Variants in DCBLD2 observed in about 807,000 individuals in gnomAD.
DCBLD2 encodes discoidin, CUB and LCCL domain containing 2, also known as discoidin, CUB and LCCL domain-containing protein 2.
A neutral mutation model predicts 86.8 loss-of-function variants in DCBLD2; 54 were observed. The ratio of observed to expected loss-of-function variants is 0.62; its 90% CI spans 0.50 to 0.78. DCBLD2 has a LOEUF of 0.78. Ranked by LOEUF, DCBLD2 falls within the 30% of genes least tolerant of loss-of-function variation. DCBLD2 has a pLI of 0.00. For missense variants in DCBLD2, 908 were observed against 954.2 expected (o/e 0.95, Z 0.64); for synonymous variants, 354 against 341.3 (o/e 1.04, Z -0.41).
chr3:98,898,496 G>A (rs1250814584), intron 1 of DCBLD2, among the ~76,000 whole-genome samples: 1 of 151,514 alleles, frequency 6.6e-6, no homozygotes, highest in Non-Finnish European at 1.5e-5. Context: ...GCGAATTACA[G>A]AAAATTTAGA....
Position 98,797,260 on chromosome 3 carries a change from AACAC to A in DCBLD2, c.*2108_*2111del, listed in dbSNP as rs1941623626. On this transcript the variant is annotated 3_prime_UTR_variant, in exon 16 of 16. Transcript: ENST00000326840. ...TCTTAAAATATGCATCATTTCAGAAAACACTTGCCCCTCTTAAAAAAAAAAAAAC... is the reference window on the plus strand; with the variant it reads ...TCTTAAAATATGCATCATTTCAGAAATTGCCCCTCTTAAAAAAAAAAAAAC... The A allele has an allele frequency of 1.3e-5, 2 of 151,222 alleles. No individual in the cohort carries two copies. The highest frequency in any genetic ancestry group is 3.0e-5 in the Non-Finnish European group (2 of 67,688). The allele number at this position is 151,222 out of a possible 1,614,324, so 9.4% of individuals were successfully genotyped here.
chr3:98,805,297 A>C (rs1559768148), intron 13 of DCBLD2, among the ~76,000 whole-genome samples: 1 of 152,220 alleles, frequency 6.6e-6, no homozygotes, highest in African/African-American at 2.4e-5. Context: ...ATGGAAAAGA[A>C]ATAAAAAAAA....
intron 2 of DCBLD2, among the ~76,000 whole-genome samples, chr3:98,871,600 ATCATCCTTGCATTCC>A (rs548346261): frequency 2.6e-3 from 389 of 152,232 alleles, no homozygotes; most frequent in African/African-American, 9.0e-3. Context: ...CATATGTCAA[ATCATCCTTGCATTCC>A]TGGTATGAAA....
chr3:98,829,991 C>T (rs1380672350), intron 3 of DCBLD2, among the ~76,000 whole-genome samples: 2 of 152,124 alleles, frequency 1.3e-5, no homozygotes, highest in African/African-American at 4.8e-5. Flanking sequence ...CTCTAAAGAT[C>T]GATGATATTG....
At chr3:98,825,976 C>A (rs567566313) in intron 3 of DCBLD2, among the ~76,000 whole-genome samples, 17 of 152,012 alleles carry the variant, frequency 1.1e-4, no homozygotes, top group African/African-American at 4.1e-4. Flanking sequence ...CGGTGGTGCC[C>A]AAAAATCTGT....
At chr3:98,894,250 G>A (rs760819613) in intron 1 of DCBLD2, among the ~76,000 whole-genome samples, 2 of 152,186 alleles carry the variant, frequency 1.3e-5, no homozygotes, top group African/African-American at 2.4e-5. Flanking sequence ...TCCACAATAC[G>A]TTCCAGCCTC....
chr3:98,841,538 T>C (rs996135845), intron 3 of DCBLD2, among the ~76,000 whole-genome samples: 1 of 152,224 alleles, frequency 6.6e-6, no homozygotes, highest in African/African-American at 2.4e-5. Context: ...CATTGGTTAC[T>C]ATCATAGAAA....
At chr3:98,833,990 AG>A (rs1942372563) in intron 3 of DCBLD2, among the ~76,000 whole-genome samples, 1 of 152,210 alleles carries the variant, frequency 6.6e-6, no homozygotes, top group Non-Finnish European at 1.5e-5. Flanking sequence ...TGACTACTCC[AG>A]TAAACTAGGG....
At chr3:98,838,607 C>T (rs981997103) in intron 3 of DCBLD2, among the ~76,000 whole-genome samples, 3 of 151,650 alleles carry the variant, frequency 2.0e-5, no homozygotes, top group Non-Finnish European at 4.4e-5. Context: ...AGACGATGGG[C>T]GGCCAGGCAG....
chr3:98,812,693 T>C (rs1941958797), intron 9 of DCBLD2: 2 of 440,646 alleles, frequency 4.5e-6, no homozygotes, highest in Non-Finnish European at 8.0e-6. Flanking sequence ...AACAAAAATA[T>C]TTAATATAGA....
intron 2 of DCBLD2, among the ~76,000 whole-genome samples, chr3:98,871,035 T>C (rs879110007): frequency 4.6e-5 from 7 of 151,518 alleles, no homozygotes; most frequent in Non-Finnish European, 1.0e-4. Context: ...TTTTTTTTTT[T>C]CCTTTTTTTG....
chr3:98,882,593 C>T (rs1384339606), intron 1 of DCBLD2, among the ~76,000 whole-genome samples: 1 of 152,078 alleles, frequency 6.6e-6, no homozygotes, highest in Non-Finnish European at 1.5e-5. Context: ...TCTGACAGGC[C>T]CCAGTGTGTG....
At chr3:98,837,054 C>T (rs1942478095) in intron 3 of DCBLD2, among the ~76,000 whole-genome samples, 1 of 37,926 alleles carries the variant, frequency 2.6e-5, no homozygotes, top group Non-Finnish European at 5.3e-5. Flanking sequence ...GGGGGCTGAC[C>T]CCCCCCATCT....
intron 3 of DCBLD2, among the ~76,000 whole-genome samples, chr3:98,843,745 T>C (rs142395433): frequency 1.7e-3 from 265 of 152,316 alleles, no homozygotes; most frequent in Admixed American, 6.5e-3. Context: ...CTCAGCTGTT[T>C]ACAAGTCTTA....
intron 1 of DCBLD2, among the ~76,000 whole-genome samples, chr3:98,886,939 AGT>A (rs1238217541): frequency 2.0e-5 from 3 of 151,760 alleles, no homozygotes; most frequent in Admixed American, 2.0e-4. Context: ...CTCCAAATCA[AGT>A]GTGTTTTTTG....
chr3:98,894,253 C>T (rs990656277), intron 1 of DCBLD2, among the ~76,000 whole-genome samples: 1 of 152,160 alleles, frequency 6.6e-6, no homozygotes, highest in African/African-American at 2.4e-5. Context: ...ACAATACGTT[C>T]CAGCCTCCAT....
At position 98,823,999 on chromosome 3, in the gene DCBLD2, A is replaced by G. The variant is rs1431196978; in HGVS notation, c.624-1258T>C. ...AAGTGGTGGGAAATGCACATTAGTCAGAGGGATGAGCACAGCATGAGGCAG... is the reference window on the plus strand; with the variant it reads ...AAGTGGTGGGAAATGCACATTAGTCGGAGGGATGAGCACAGCATGAGGCAG... On this transcript the variant is annotated intron_variant, in intron 4 of 15. Transcript: ENST00000326840. 3.3e-5 allele frequency among the ~76,000 whole-genome samples: 5 copies of G among 152,158 alleles called. No homozygotes were observed. In the East Asian group the frequency reaches 9.7e-4, roughly 29 times the overall value.
intron 2 of DCBLD2, among the ~76,000 whole-genome samples, chr3:98,870,789 GAAA>G (rs1346756949): frequency 4.0e-4 from 61 of 150,994 alleles, no homozygotes; most frequent in African/African-American, 1.0e-3. Flanking sequence ...AAGAAAGAAA[GAAA>G]GAAAGAAAGA....
chr3:98,821,764 C>T (rs1357256274), intron 6 of DCBLD2, among the ~76,000 whole-genome samples: 2 of 152,122 alleles, frequency 1.3e-5, no homozygotes, highest in Non-Finnish European at 2.9e-5. Context: ...TATGCAGACA[C>T]TGGCTGGGCA....
Sources: allele counts gnomAD v4.1 joint callset (sites outside exome capture counted in the v4.1 genomes callset), GRCh38; gene constraint gnomAD v4.1.1; transcripts MANE v1.5; gene names NCBI Gene and HGNC (gene_info 2026-07-23, HGNC 2026-07-21).